Variants in SGCZ observed in about 807,000 individuals in gnomAD.
SGCZ encodes zeta-sarcoglycan.
A neutral mutation model predicts 41.3 loss-of-function variants in SGCZ; 40 were observed. That is an observed-to-expected ratio of 0.97 (90% CI 0.75 to 1.26). The LOEUF (loss-of-function observed/expected upper bound fraction) is 1.26, where lower values mean the gene tolerates loss of function less well. Ranked by LOEUF, SGCZ falls within the 50% of genes most tolerant of loss-of-function variation. The probability of loss-of-function intolerance (pLI) is 0.00; values close to 1 mark genes in which losing one functional copy is unlikely to be tolerated. For missense variants in SGCZ, 552 were observed against 369.8 expected, an observed-to-expected ratio of 1.49 and a Z score of -4.04; for synonymous variants, 206 against 137.5, an observed-to-expected ratio of 1.50 and a Z score of -3.49.
At chr8:14,492,099 T>C (rs1053897081) in intron 2 of SGCZ, among the ~76,000 whole-genome samples, 3 of 152,184 alleles carry the variant, frequency 2.0e-5, no homozygotes, top group South Asian at 2.1e-4. Context: ...ATGATAGATA[T>C]AAACTTTACA....
At chr8:14,974,928 A>G (rs1290727131) in intron 1 of SGCZ, among the ~76,000 whole-genome samples, 2 of 152,048 alleles carry the variant, frequency 1.3e-5, no homozygotes, top group African/African-American at 2.4e-5. Context: ...CAACTGTGGG[A>G]AATTTGAAAT....
chr8:14,621,588 C>T (rs1328280753), intron 1 of SGCZ, among the ~76,000 whole-genome samples: 2 of 152,086 alleles, frequency 1.3e-5, no homozygotes, highest in African/African-American at 4.8e-5. Context: ...CGGAACGCCT[C>T]AAGAAAATTA....
chr8:14,660,266 G>A (rs1339421795), intron 1 of SGCZ, among the ~76,000 whole-genome samples: 1 of 152,126 alleles, frequency 6.6e-6, no homozygotes, highest in Non-Finnish European at 1.5e-5. Flanking sequence ...AAGGGTTACT[G>A]TCATAGAAAA....
chr8:14,184,439 T>G (rs1804837771), intron 4 of SGCZ, among the ~76,000 whole-genome samples: 1 of 152,296 alleles, frequency 6.6e-6, no homozygotes, highest in Non-Finnish European at 1.5e-5. Flanking sequence ...AGTTCTTTAT[T>G]AAACATCCAC....
In SGCZ at chr8:14,125,377, G is replaced by A. The variant is rs371611871; in HGVS notation, c.548-17142C>T. 7.0e-3 allele frequency among the ~76,000 whole-genome samples: 1,061 copies of A among 151,854 alleles called. 14 individuals are homozygous for A. Among genetic ancestry groups the A allele is most frequent in the African/African-American group, 0.024 (998 of 41,414 alleles). ...AAATTAGCTGCGTATGGTGGCGGGC[G>A]CCTGTAGTCCCAGCTACTTGGGAGG... On this transcript the variant is annotated intron_variant, in intron 5 of 7. Coordinates refer to ENST00000382080, the MANE Select transcript of SGCZ (RefSeq NM_139167.4).
intron 3 of SGCZ, among the ~76,000 whole-genome samples, chr8:14,260,687 A>G (rs558384515): frequency 1.8e-4 from 28 of 152,302 alleles, no homozygotes; most frequent in South Asian, 1.7e-3. Context: ...GCAAAGACTT[A>G]GAACCAACCC....
chr8:14,694,493 C>T lies in SGCZ; in HGVS notation c.40-139567G>A, dbSNP rs886629988. On this transcript the variant is annotated intron_variant, in intron 1 of 7. Coordinates refer to ENST00000382080, the MANE Select transcript of SGCZ (RefSeq NM_139167.4). ...TTCAGGGCTTGCTCACCCCTTAGTC[C>T]GAATAAATATAGGTCTTTGGTCTGC... Among the ~76,000 whole-genome samples, 11 of 152,032 alleles carry T rather than the reference C, an allele frequency of 7.2e-5. No individual in the cohort carries two copies. In the East Asian group the frequency reaches 9.6e-4, roughly 13 times the overall value.
chr8:14,319,097 A>G (rs1801827771), intron 3 of SGCZ, among the ~76,000 whole-genome samples: 1 of 152,026 alleles, frequency 6.6e-6, no homozygotes, highest in Admixed American at 6.6e-5. Context: ...AGCTGTGGGG[A>G]ACAAAGATGA....
intron 1 of SGCZ, among the ~76,000 whole-genome samples, chr8:14,708,741 G>GT (rs1446578568): frequency 1.3e-5 from 2 of 151,606 alleles, no homozygotes; most frequent in African/African-American, 4.8e-5. Flanking sequence ...GAATATATGC[G>GT]TTTTTTAATG....
intron 1 of SGCZ, among the ~76,000 whole-genome samples, chr8:14,943,528 C>G (rs564941044): frequency 1.3e-5 from 2 of 152,256 alleles, no homozygotes; most frequent in East Asian, 3.9e-4. Flanking sequence ...CTCTTTCCAT[C>G]TATGAGAATG....
In SGCZ at chr8:14,233,646, T is replaced by C. The variant is rs551894717; in HGVS notation, c.424+3946A>G. 6.4e-4 allele frequency among the ~76,000 whole-genome samples: 95 copies of C among 149,432 alleles called. 2 individuals are homozygous for C. In the South Asian group the frequency reaches 0.019, roughly 31 times the overall value. On this transcript the variant is annotated intron_variant, in intron 4 of 7. Coordinates refer to ENST00000382080, the MANE Select transcript of SGCZ (RefSeq NM_139167.4). ...ATCTTTCCTGAGATAATAAAACAAATTTCACAAAGATGGTGCATAATTTAC... is the reference window on the plus strand; with the variant it reads ...ATCTTTCCTGAGATAATAAAACAAACTTCACAAAGATGGTGCATAATTTAC...
At chr8:14,852,461 T>A (rs1209289348) in intron 1 of SGCZ, among the ~76,000 whole-genome samples, 1 of 152,208 alleles carries the variant, frequency 6.6e-6, no homozygotes, top group Non-Finnish European at 1.5e-5. Flanking sequence ...GTACTTATTA[T>A]ATGTGATTGA....
At chr8:14,925,067 A>G (rs973916452) in intron 1 of SGCZ, among the ~76,000 whole-genome samples, 3 of 152,100 alleles carry the variant, frequency 2.0e-5, no homozygotes, top group Non-Finnish European at 4.4e-5. Flanking sequence ...CGTGTTGGCC[A>G]GGCTGCTCTC....
At chr8:15,159,132 T>A (rs1215363839) in intron 1 of SGCZ, among the ~76,000 whole-genome samples, 2 of 152,160 alleles carry the variant, frequency 1.3e-5, no homozygotes, top group Non-Finnish European at 1.5e-5. Context: ...CAATGGCCAA[T>A]GATTTAATCA....
intron 1 of SGCZ, among the ~76,000 whole-genome samples, chr8:14,775,313 A>T (rs570738150): frequency 6.6e-6 from 1 of 152,134 alleles, no homozygotes; most frequent in Non-Finnish European, 1.5e-5. Flanking sequence ...CTAAATAGTA[A>T]TATTGAGCAA....
chr8:14,722,265 A>C (rs1809911052), intron 1 of SGCZ, among the ~76,000 whole-genome samples: 1 of 152,150 alleles, frequency 6.6e-6, no homozygotes, highest in Admixed American at 6.6e-5. Flanking sequence ...CATCTATAAC[A>C]TAATTTGCTA....
intron 1 of SGCZ, among the ~76,000 whole-genome samples, chr8:15,096,049 C>A (rs943822100): frequency 6.6e-6 from 1 of 151,960 alleles, no homozygotes; most frequent in Non-Finnish European, 1.5e-5. Context: ...TTAATCCATA[C>A]GAGAAGTAGT....
intron 1 of SGCZ, chr8:14,853,631 TG>T (rs1803430220): frequency 2.9e-6 from 1 of 345,202 alleles, no homozygotes; most frequent in African/African-American, 2.1e-5. Context: ...TTTAAAGAAC[TG>T]AATCTAAATA....
intron 5 of SGCZ, among the ~76,000 whole-genome samples, chr8:14,147,088 G>A (rs1803550971): frequency 2.6e-5 from 4 of 151,722 alleles, no homozygotes; most frequent in Admixed American, 6.6e-5. Context: ...CAAGCCTCAT[G>A]GTAATCTCAA....
Sources: gnomAD v4.1 joint callset for allele counts (sites outside exome capture counted in the v4.1 genomes callset) on GRCh38, gnomAD v4.1.1 for gene constraint, MANE v1.5 for transcripts, NCBI Gene and HGNC (gene_info 2026-07-23, HGNC 2026-07-21) for gene names.